RGS6: variants seen among roughly 807,000 people sequenced by gnomAD.
RGS6 encodes the protein regulator of G-protein signaling 6.
RGS6 carries 30 observed loss-of-function variants against 78.5 expected under a neutral mutation model. The ratio of observed to expected loss-of-function variants is 0.38; its 90% CI spans 0.29 to 0.52. The LOEUF (loss-of-function observed/expected upper bound fraction) is 0.52, where lower values mean the gene tolerates loss of function less well. Among genes scored for constraint, RGS6 ranks in the 20% least tolerant of loss-of-function variants. The pLI is 0.85. For synonymous variants in RGS6, 206 were observed against 206.0 expected (o/e 1.00, Z 0.00); for missense variants, 495 against 609.7 (o/e 0.81, Z 1.98).
At chr14:72,371,669 G>A (rs1420892133) in intron 3 of RGS6, among the ~76,000 whole-genome samples, 1 of 152,192 alleles carries the variant, frequency 6.6e-6, no homozygotes, top group African/African-American at 2.4e-5. Context: ...GCTGAAGCAG[G>A]AGAATTGCTT....
chr14:72,514,712 G>T (rs1420223680), intron 14 of RGS6, among the ~76,000 whole-genome samples: 1 of 152,234 alleles, frequency 6.6e-6, no homozygotes, highest in African/African-American at 2.4e-5. Flanking sequence ...AGTCCTTGTG[G>T]CCTGCCAGTC....
At chr14:72,099,691 T>C (rs1381109023) in intron 2 of RGS6, among the ~76,000 whole-genome samples, 1 of 152,212 alleles carries the variant, frequency 6.6e-6, no homozygotes, top group Non-Finnish European at 1.5e-5. Context: ...CAGACAGCTC[T>C]GCTGTTGACC....
chr14:72,462,489 G>GT (rs1269016284), intron 6 of RGS6, among the ~76,000 whole-genome samples: 1 of 152,134 alleles, frequency 6.6e-6, no homozygotes, highest in Admixed American at 6.5e-5. Flanking sequence ...AACCCACCTA[G>GT]TAGGGTTATT....
rs548643804 is a variant in RGS6, at chr14:72,420,748, G to A, written c.185-33780G>A. The stretch of plus-strand genomic sequence containing the variant: ...TCATTATTTGCCTCTGGAAAATGCC[G>A]TAAACGACATCTAACAGGCTTCAGC... On this transcript the variant is annotated intron_variant, in intron 3 of 17. Transcript: ENST00000553525. Among the ~76,000 whole-genome samples the A allele has an allele frequency of 8.5e-5, 13 of 152,252 alleles. No homozygotes were observed. The East Asian group carries it at 2.3e-3, about 27-fold the overall frequency.
At chr14:71,878,629 T>G in the RGS6 span, among the ~76,000 whole-genome samples, 1 of 152,248 alleles carries the variant, frequency 6.6e-6, no homozygotes, top group African/African-American at 2.4e-5. Flanking sequence ...CCCTTGCACT[T>G]CCTGGGTGAG....
chr14:72,243,299 T>G (rs1249321942), intron 2 of RGS6, among the ~76,000 whole-genome samples: 1 of 152,262 alleles, frequency 6.6e-6, no homozygotes, highest in African/African-American at 2.4e-5. Flanking sequence ...ATAGTTTTTC[T>G]ACAGATATTA....
chr14:72,577,508 C>T, the RGS6 span, among the ~76,000 whole-genome samples: 1 of 152,208 alleles, frequency 6.6e-6, no homozygotes, highest in East Asian at 1.9e-4. Flanking sequence ...CATCTTGAGT[C>T]CAGTTCCAGT....
intron 2 of RGS6, among the ~76,000 whole-genome samples, chr14:72,304,865 C>T (rs11849909): frequency 0.04 from 5,869 of 148,110 alleles, 341 homozygotes; most frequent in African/African-American, 0.14. Context: ...GGGCACAGAG[C>T]GAGATTCTGT....
At chr14:72,072,216 T>C (rs2094432025) in intron 2 of RGS6, among the ~76,000 whole-genome samples, 1 of 152,194 alleles carries the variant, frequency 6.6e-6, no homozygotes, top group South Asian at 2.1e-4. Context: ...AATCTTATTC[T>C]CAATGGACCT....
chr14:72,143,497 A>G (rs1180328711), intron 2 of RGS6, among the ~76,000 whole-genome samples: 1 of 152,200 alleles, frequency 6.6e-6, no homozygotes, highest in Non-Finnish European at 1.5e-5. Flanking sequence ...GTAAGAAACT[A>G]TTGGCCTTTT....
intron 15 of RGS6, among the ~76,000 whole-genome samples, chr14:72,534,666 T>C (rs1377207205): frequency 6.6e-6 from 1 of 152,338 alleles, no homozygotes; most frequent in African/African-American, 2.4e-5. Flanking sequence ...TTGTGCTGGG[T>C]AAGGAGTGAG....
At chr14:72,339,112 A>C (rs927838740) in intron 2 of RGS6, among the ~76,000 whole-genome samples, 2 of 152,076 alleles carry the variant, frequency 1.3e-5, no homozygotes, top group Non-Finnish European at 2.9e-5. Context: ...CCCATTTGCT[A>C]TGATCAGAAT....
intron 2 of RGS6, among the ~76,000 whole-genome samples, chr14:72,146,110 A>C (rs1215530339): frequency 6.6e-6 from 1 of 152,192 alleles, no homozygotes; most frequent in Non-Finnish European, 1.5e-5. Flanking sequence ...GCAGGAAAGC[A>C]AGAGAGCACA....
At chr14:72,387,504 G>A (rs1009114205) in intron 3 of RGS6, among the ~76,000 whole-genome samples, 40 of 151,190 alleles carry the variant, frequency 2.6e-4, no homozygotes, top group African/African-American at 8.7e-4. Flanking sequence ...AGCCGAGATC[G>A]CACCACTGGA....
intron 12 of RGS6, among the ~76,000 whole-genome samples, chr14:72,479,215 T>A (rs1218374710): frequency 1.3e-5 from 2 of 152,130 alleles, no homozygotes; most frequent in African/African-American, 4.8e-5. Flanking sequence ...CACATCTTTT[T>A]TCTAGATAAA....
Position 72,080,075 on chromosome 14 carries a change from T to C in RGS6, c.84+115200T>C, listed in dbSNP as rs1353720531. Among the ~76,000 whole-genome samples, 10 of 152,188 alleles carry C rather than the reference T, an allele frequency of 6.6e-5. No individual in the cohort carries two copies. The East Asian group carries it at 1.7e-3, about 26-fold the overall frequency. On this transcript the variant is annotated intron_variant, in intron 2 of 17. Coordinates refer to ENST00000553525, the MANE Select transcript of RGS6 (RefSeq NM_001204424.2). ...TCAGGGATTGGATTGCTGTATCATA[T>C]GGTGGTTCTGTTTCTCATTTTTTGA...
chr14:71,960,728 T>C (rs572938012), intron 1 of RGS6, among the ~76,000 whole-genome samples: 130 of 152,346 alleles, frequency 8.5e-4, no homozygotes, highest in African/African-American at 2.8e-3. Flanking sequence ...AGATTATCTT[T>C]GTGGCTTTTT....
intron 2 of RGS6, among the ~76,000 whole-genome samples, chr14:72,215,162 G>T (rs1206415421): frequency 6.6e-6 from 1 of 152,156 alleles, no homozygotes; most frequent in Non-Finnish European, 1.5e-5. Flanking sequence ...AATACCAGGG[G>T]CTGCTATCCA....
At chr14:72,510,886 A>G (rs2096870444) in intron 14 of RGS6, among the ~76,000 whole-genome samples, 1 of 152,202 alleles carries the variant, frequency 6.6e-6, no homozygotes, top group Non-Finnish European at 1.5e-5. Context: ...GATTGTTCCT[A>G]TTGGTCTATA....
Sources: allele counts gnomAD v4.1 joint callset (sites outside exome capture counted in the v4.1 genomes callset), GRCh38; gene constraint gnomAD v4.1.1; transcripts MANE v1.5; gene names NCBI Gene and HGNC (gene_info 2026-07-23, HGNC 2026-07-21).